Variants in PSMD14 observed in about 807,000 individuals in gnomAD.
PSMD14 encodes proteasome 26S subunit, non-ATPase 14, also known as ubiquitin C-terminal hydrolase PSMD14.
A neutral mutation model predicts 41.2 loss-of-function variants in PSMD14; 7 were observed. The ratio of observed to expected loss-of-function variants is 0.17; its 90% confidence interval spans 0.10 to 0.32. The LOEUF (loss-of-function observed/expected upper bound fraction) is 0.32, where lower values mean the gene tolerates loss of function less well. Ranked by LOEUF, PSMD14 falls within the 10% of genes least tolerant of loss-of-function variation. PSMD14 has a pLI of 1.00. For missense variants in PSMD14, 139 were observed against 375.6 expected, an observed-to-expected ratio of 0.37 and a Z score of 5.21; for synonymous variants, 114 against 122.3, an observed-to-expected ratio of 0.93 and a Z score of 0.45.
chr2:161,374,040 T>C (rs1683473494), intron 7 of PSMD14, among the ~76,000 whole-genome samples: 1 of 151,858 alleles, frequency 6.6e-6, no homozygotes, highest in Admixed American at 6.6e-5. Flanking sequence ...AGACCATGAG[T>C]TAGCAGCAGA....
intron 3 of PSMD14, among the ~76,000 whole-genome samples, chr2:161,322,876 A>G (rs1407562123): frequency 6.6e-6 from 1 of 152,116 alleles, no homozygotes; most frequent in African/African-American, 2.4e-5. Flanking sequence ...CATTCATTCT[A>G]GTTTCTTAAT....
At chr2:161,397,887 GAAAT>G (rs768841698) in intron 10 of PSMD14, among the ~76,000 whole-genome samples, 2 of 152,104 alleles carry the variant, frequency 1.3e-5, no homozygotes, top group African/African-American at 2.4e-5. Context: ...TAGATAAAGA[GAAAT>G]AAATCGCTCA....
rs1179789765 is a variant in PSMD14 at position 161,353,154 on chromosome 2, A to G, written c.49-14324A>G. On this transcript the variant is annotated intron_variant, in intron 3 of 11. Transcript: ENST00000409682. ...ATTCTATAAACTGAAAAGATACTCTATATCATAATAGTGAAATCTTGGGTC... is the reference window on the plus strand; with the variant it reads ...ATTCTATAAACTGAAAAGATACTCTGTATCATAATAGTGAAATCTTGGGTC... Among the ~76,000 whole-genome samples, 6 of 152,224 alleles carry G rather than the reference A, an allele frequency of 3.9e-5. No individual in the cohort carries two copies. In the East Asian group the frequency reaches 9.6e-4, roughly 24 times the overall value.
chr2:161,398,334 G>A (rs1461001031), intron 10 of PSMD14, among the ~76,000 whole-genome samples: 1 of 152,004 alleles, frequency 6.6e-6, no homozygotes, highest in East Asian at 1.9e-4. Flanking sequence ...ATTGCTGTTG[G>A]ATGCCAGTTA....
chr2:161,385,571 G>GGT lies in PSMD14; in HGVS notation c.570+1_570+2dup. 1 of 1,568,366 alleles carries GGT rather than the reference G, an allele frequency of 6.4e-7. No homozygotes were observed. The highest frequency in any genetic ancestry group is 8.8e-7 in the Non-Finnish European group (1 of 1,140,224). On this transcript the variant is annotated frameshift_variant and splice_region_variant. Coordinates refer to ENST00000409682, the MANE Select transcript of PSMD14 (RefSeq NM_005805.6). LOFTEE classifies it high-confidence loss of function. Reference sequence around the variant, plus strand: ...GTCACTTAAACAAGCCATCTATCCAGGTATTGCCTATATTTGATAATGTGT... The same window carrying GGT: ...GTCACTTAAACAAGCCATCTATCCAGGTGTATTGCCTATATTTGATAATGTGT...
At chr2:161,343,976 A>C (rs772465705) in intron 3 of PSMD14, among the ~76,000 whole-genome samples, 15 of 152,216 alleles carry the variant, frequency 9.9e-5, no homozygotes, top group Non-Finnish European at 1.8e-4. Flanking sequence ...CATTATTCCC[A>C]AAACAATATA....
At chr2:161,371,413 C>G in intron 7 of PSMD14, 91 bp downstream of exon 7, 1 of 1,296,030 alleles carries the variant, frequency 7.7e-7, no homozygotes, top group South Asian at 1.7e-5. Flanking sequence ...AAGCAGGATT[C>G]TTAATTACAC....
chr2:161,311,089 T>C (rs1201771824), intron 1 of PSMD14, among the ~76,000 whole-genome samples: 1 of 152,188 alleles, frequency 6.6e-6, no homozygotes, highest in African/African-American at 2.4e-5. Flanking sequence ...CAGGATCACC[T>C]GAGGTCAGGA....
At chr2:161,330,514 A>G (rs993480248) in intron 3 of PSMD14, among the ~76,000 whole-genome samples, 1 of 152,180 alleles carries the variant, frequency 6.6e-6, no homozygotes, top group Non-Finnish European at 1.5e-5. Context: ...TTAAACTTGC[A>G]TAATTTAATT....
chr2:161,382,809 T>TA (rs1683585807), intron 7 of PSMD14: 1 of 151,826 alleles, frequency 6.6e-6, no homozygotes, highest in Non-Finnish European at 1.5e-5. Context: ...AATGTCTATA[T>TA]ACTTCAAAAT....
intron 1 of PSMD14, among the ~76,000 whole-genome samples, chr2:161,311,357 T>A (rs1271783295): frequency 6.6e-6 from 1 of 152,152 alleles, no homozygotes; most frequent in Non-Finnish European, 1.5e-5. Flanking sequence ...TATAGACATT[T>A]TTTTTCATTA....
In PSMD14 at chr2:161,395,133, A is replaced by G; in HGVS notation, c.701A>G (p.Tyr234Cys). The G allele has an allele frequency of 3.1e-6, 5 of 1,599,526 alleles. No homozygotes were observed. Among genetic ancestry groups the G allele is most frequent in the Non-Finnish European group, 3.4e-6 (4 of 1,171,574 alleles). ...ATGGAAGGTTTGACACTTCAGGACTACAGTGAACATTGTAAACACAATGAA... is the reference window on the plus strand; with the variant it reads ...ATGGAAGGTTTGACACTTCAGGACTGCAGTGAACATTGTAAACACAATGAA... The part of the protein sequence containing the change: ...SWMEGLTLQD[Y>C]SEHCKHNESV... Residue 234 changes from tyrosine to cysteine, a missense_variant, in exon 10 of 12, where the codon TAC becomes TGC. Coordinates refer to ENST00000409682, the MANE Select transcript of PSMD14 (RefSeq NM_005805.6).
chr2:161,397,427 A>G (rs1471811247), intron 10 of PSMD14, among the ~76,000 whole-genome samples: 2 of 152,210 alleles, frequency 1.3e-5, no homozygotes, highest in Non-Finnish European at 2.9e-5. Flanking sequence ...GACCAGTAGT[A>G]TGGTAGTACC....
At chr2:161,362,884 A>T (rs1009303422) in intron 3 of PSMD14, among the ~76,000 whole-genome samples, 1 of 152,072 alleles carries the variant, frequency 6.6e-6, no homozygotes, top group African/African-American at 2.4e-5. Context: ...ACTTTTTTTT[A>T]AATTCAAGAA....
intron 10 of PSMD14, among the ~76,000 whole-genome samples, chr2:161,397,876 TTAGA>T (rs1308560145): frequency 2.6e-5 from 4 of 152,168 alleles, no homozygotes; most frequent in Non-Finnish European, 5.9e-5. Flanking sequence ...GCTGTGGAGA[TTAGA>T]TAAAGAGAAA....
At chr2:161,385,777 C>G (rs1178328351) in intron 8 of PSMD14, among the ~76,000 whole-genome samples, 1 of 151,568 alleles carries the variant, frequency 6.6e-6, no homozygotes, top group African/African-American at 2.4e-5. Context: ...TTAAATTTTC[C>G]TATCATATTT....
At chr2:161,378,816 A>T (rs1322031470) in intron 7 of PSMD14, among the ~76,000 whole-genome samples, 2 of 152,046 alleles carry the variant, frequency 1.3e-5, no homozygotes, top group Non-Finnish European at 2.9e-5. Flanking sequence ...GATAATATTA[A>T]TACCTACACT....
chr2:161,332,788 C>G (rs1682813561), intron 3 of PSMD14, among the ~76,000 whole-genome samples: 1 of 152,216 alleles, frequency 6.6e-6, no homozygotes, highest in African/African-American at 2.4e-5. Flanking sequence ...ATCTGCTGCT[C>G]TGGCCTGTGC....
At chr2:161,379,042 T>C (rs1308133676) in intron 7 of PSMD14, among the ~76,000 whole-genome samples, 11 of 152,052 alleles carry the variant, frequency 7.2e-5, no homozygotes. Flanking sequence ...ATAGGTCCTT[T>C]ATTCTCATCC....
Sources: gnomAD v4.1 joint callset for allele counts (sites outside exome capture counted in the v4.1 genomes callset) on GRCh38, gnomAD v4.1.1 for gene constraint, MANE v1.5 for transcripts, NCBI Gene and HGNC (gene_info 2026-07-23, HGNC 2026-07-21) for gene names.